The following VAV3 variants were observed in gnomAD, a reference collection of about 807,000 sequenced individuals.
The protein encoded by VAV3 is guanine nucleotide exchange factor VAV3.
VAV3 carries 94 observed loss-of-function variants against 131.2 expected under a neutral mutation model. The ratio of observed to expected loss-of-function variants is 0.72; its 90% CI spans 0.61 to 0.85. The LOEUF is 0.85. Among genes scored for constraint, VAV3 ranks in the 40% least tolerant of loss-of-function variants. The pLI, the probability that VAV3 is intolerant of heterozygous loss-of-function variation, is 0.00. For synonymous variants in VAV3, 349 were observed against 342.0 expected (o/e 1.02, Z -0.22); for missense variants, 939 against 1,002.7 (o/e 0.94, Z 0.86).
At chr1:107,862,010 C>T (rs1298666323) in intron 2 of VAV3, among the ~76,000 whole-genome samples, 1 of 151,658 alleles carries the variant, frequency 6.6e-6, no homozygotes, top group Non-Finnish European at 1.5e-5. Context: ...GTCCTGACAC[C>T]ACTGGTCCTC....
chr1:107,957,832 C>A (rs968069266), intron 1 of VAV3, among the ~76,000 whole-genome samples: 12 of 151,574 alleles, frequency 7.9e-5, no homozygotes, highest in South Asian at 2.1e-4. Context: ...GTGATCTATA[C>A]TAGATCAACC....
intron 2 of VAV3, among the ~76,000 whole-genome samples, chr1:107,826,907 T>C (rs1229029031): frequency 6.6e-6 from 1 of 152,196 alleles, no homozygotes; most frequent in African/African-American, 2.4e-5. Flanking sequence ...ATCTAAGCAC[T>C]AAATATTATC....
chr1:107,811,598 G>T (rs1395012537), intron 2 of VAV3, among the ~76,000 whole-genome samples: 1 of 152,042 alleles, frequency 6.6e-6, no homozygotes, highest in Non-Finnish European at 1.5e-5. Context: ...AAAGTTATAA[G>T]ATTTAAAATA....
chr1:107,648,699 T>G lies in VAV3; in HGVS notation c.1778-5944A>C, dbSNP rs563278918. Among the ~76,000 whole-genome samples, 118 of 152,162 alleles carry G rather than the reference T, an allele frequency of 7.8e-4. 2 individuals carry two copies. In the South Asian group the frequency reaches 0.01, roughly 13 times the overall value. ...TCTAACCACCTTATTTGTCACATTATAAAACTAAATACTAAAATAAATTGT... is the reference window on the plus strand; with the variant it reads ...TCTAACCACCTTATTTGTCACATTAGAAAACTAAATACTAAAATAAATTGT... On this transcript the variant is annotated intron_variant, in intron 19 of 26. Transcript: ENST00000370056.
At chr1:107,604,612 T>C (rs1025390871) in intron 22 of VAV3, among the ~76,000 whole-genome samples, 9 of 152,164 alleles carry the variant, frequency 5.9e-5, no homozygotes, top group African/African-American at 2.2e-4. Flanking sequence ...CAATATTCCT[T>C]CTCATTGTTA....
chr1:107,713,929 T>C (rs1312730852), intron 15 of VAV3, among the ~76,000 whole-genome samples: 1 of 152,164 alleles, frequency 6.6e-6, no homozygotes, highest in Non-Finnish European at 1.5e-5. Context: ...ATTTAAGAAC[T>C]AATTATTCTA....
intron 6 of VAV3, among the ~76,000 whole-genome samples, chr1:107,770,194 C>T (rs756553757): frequency 5.3e-5 from 8 of 152,134 alleles, no homozygotes; most frequent in African/African-American, 1.2e-4. Flanking sequence ...CATATGTACA[C>T]GGCTTATACC....
At chr1:107,938,159 T>G (rs972918976) in intron 1 of VAV3, among the ~76,000 whole-genome samples, 1 of 151,782 alleles carries the variant, frequency 6.6e-6, no homozygotes, top group African/African-American at 2.4e-5. Context: ...AAACAGGTGG[T>G]GGGAAGGGTA....
chr1:107,752,095 T>C (rs893636275), intron 12 of VAV3, among the ~76,000 whole-genome samples: 8 of 152,180 alleles, frequency 5.3e-5, no homozygotes, highest in Non-Finnish European at 8.8e-5. Context: ...CCAAAACTTA[T>C]TGCAAAGCCA....
rs5776908 is a variant in VAV3, at chr1:107,940,995, G to GA, written c.204+23670dup. On this transcript the variant is annotated intron_variant, in intron 1 of 26. Transcript: ENST00000370056. ...ATACTATGTATATTTTAGCACAATT[G>GA]AAAAAAAAAAACCCTCAACTAGAAG... Among the ~76,000 whole-genome samples the GA allele has an allele frequency of 5.2e-4, 77 of 149,176 alleles. 2 individuals are homozygous for GA. The South Asian group carries it at 0.015, about 30-fold the overall frequency.
chr1:107,583,492 T>C (rs1277102417), intron 25 of VAV3, among the ~76,000 whole-genome samples: 3 of 152,122 alleles, frequency 2.0e-5, no homozygotes, highest in African/African-American at 4.8e-5. Flanking sequence ...GATGACATGA[T>C]TGTATATCTA....
At chr1:107,732,023 TG>T (rs1662273981) in intron 15 of VAV3, among the ~76,000 whole-genome samples, 1 of 152,176 alleles carries the variant, frequency 6.6e-6, no homozygotes, top group Non-Finnish European at 1.5e-5. Context: ...AAAAAATATT[TG>T]GTTGCAAATG....
intron 1 of VAV3, among the ~76,000 whole-genome samples, chr1:107,963,086 A>G (rs1009997038): frequency 6.6e-6 from 1 of 152,212 alleles, no homozygotes; most frequent in African/African-American, 2.4e-5. Context: ...TAGCATTCAA[A>G]TAAAGGCTTC....
intron 2 of VAV3, among the ~76,000 whole-genome samples, chr1:107,826,037 T>C (rs1474504827): frequency 6.6e-6 from 1 of 152,186 alleles, no homozygotes; most frequent in Non-Finnish European, 1.5e-5. Flanking sequence ...GAGGCATATG[T>C]ACTCTTAATG....
chr1:107,628,099 G>A (rs1183219626), intron 20 of VAV3, among the ~76,000 whole-genome samples: 1 of 152,144 alleles, frequency 6.6e-6, no homozygotes, highest in African/African-American at 2.4e-5. Flanking sequence ...CCAGTATTGT[G>A]CCTTGATGAT....
At chr1:107,848,051 C>T (rs553805554) in intron 2 of VAV3, among the ~76,000 whole-genome samples, 8 of 152,174 alleles carry the variant, frequency 5.3e-5, no homozygotes, top group South Asian at 4.1e-4. Context: ...TGGTGTCTCA[C>T]GTCTGTAATG....
intron 25 of VAV3, among the ~76,000 whole-genome samples, chr1:107,583,146 C>G (rs1650201072): frequency 6.6e-6 from 1 of 152,120 alleles, no homozygotes; most frequent in Non-Finnish European, 1.5e-5. Flanking sequence ...TTTTGATTTG[C>G]ATTTCTCTGA....
intron 2 of VAV3, among the ~76,000 whole-genome samples, chr1:107,850,204 A>G (rs930418777): frequency 6.6e-6 from 1 of 152,232 alleles, no homozygotes; most frequent in Admixed American, 6.5e-5. Context: ...CATTTGACCC[A>G]GCAATCCCAT....
intron 2 of VAV3, among the ~76,000 whole-genome samples, chr1:107,860,262 A>G (rs1197327603): frequency 6.6e-6 from 1 of 152,178 alleles, no homozygotes; most frequent in Non-Finnish European, 1.5e-5. Context: ...CTGGGACTAC[A>G]CATGCATGGC....
Sources: gnomAD v4.1 joint callset for allele counts (sites outside exome capture counted in the v4.1 genomes callset) on GRCh38, gnomAD v4.1.1 for gene constraint, MANE v1.5 for transcripts, NCBI Gene and HGNC (gene_info 2026-07-23, HGNC 2026-07-21) for gene names.